Variants in PLXNA4 observed in about 807,000 individuals in gnomAD.
PLXNA4 encodes the protein plexin-A4.
Under a neutral mutation model 191.8 loss-of-function variants are expected in PLXNA4, and 44 were observed. The ratio of observed to expected loss-of-function variants is 0.23; its 90% CI spans 0.18 to 0.29. The LOEUF is 0.29. Ranked by LOEUF, PLXNA4 falls within the 10% of genes least tolerant of loss-of-function variation. The probability of loss-of-function intolerance (pLI) is 1.00; values close to 1 mark genes in which losing one functional copy is unlikely to be tolerated. For missense variants in PLXNA4, 1,800 were observed against 2,488.8 expected (o/e 0.72, Z 5.89); for synonymous variants, 1,082 against 1,009.5 (o/e 1.07, Z -1.36).
intron 3 of PLXNA4, among the ~76,000 whole-genome samples, chr7:132,408,951 G>C (rs898909605): frequency 1.3e-5 from 2 of 149,172 alleles, no homozygotes; most frequent in Admixed American, 6.8e-5. Flanking sequence ...TCTGTGTCTT[G>C]AAATATCATC....
chr7:132,274,966 C>A (rs995597333), intron 4 of PLXNA4, among the ~76,000 whole-genome samples: 3 of 151,924 alleles, frequency 2.0e-5, no homozygotes, highest in African/African-American at 4.8e-5. Context: ...ATGATATTAA[C>A]TTTGATCATT....
chr7:132,346,045 T>TGGG (rs1241626912), intron 3 of PLXNA4, among the ~76,000 whole-genome samples: 3 of 152,220 alleles, frequency 2.0e-5, no homozygotes, highest in Admixed American at 6.5e-5. Context: ...GGGATGAACT[T>TGGG]CAAATGACCT....
chr7:132,643,102 G>A (rs529413057), intron 2 of PLXNA4, among the ~76,000 whole-genome samples: 1 of 152,030 alleles, frequency 6.6e-6, no homozygotes, highest in African/African-American at 2.4e-5. Flanking sequence ...GGAGGAGGAG[G>A]GGGAAGAAGA....
chr7:132,130,442 T>C lies in PLXNA4; in HGVS notation c.*37A>G. The C allele has an allele frequency of 6.2e-7, 1 of 1,613,824 alleles. No individual in the cohort carries two copies. Among genetic ancestry groups the C allele is most frequent in the Non-Finnish European group, 8.5e-7 (1 of 1,179,830 alleles). ...TAATCTAGACTGAGGCACGGCTTGG[T>C]GTGTCCCCCTCCAGGGCGGCCCTGG... On this transcript the variant is annotated 3_prime_UTR_variant, in exon 32 of 32. Transcript: ENST00000321063.
At chr7:132,132,495 CTTT>C (rs138417713) in intron 31 of PLXNA4, among the ~76,000 whole-genome samples, 62 of 31,368 alleles carry the variant, frequency 2.0e-3, no homozygotes, top group South Asian at 3.4e-3. Context: ...CTGCTCTATT[CTTT>C]TCTATTCTAT....
At chr7:132,597,406 A>AT (rs1466466536) in intron 2 of PLXNA4, among the ~76,000 whole-genome samples, 4 of 152,130 alleles carry the variant, frequency 2.6e-5, no homozygotes, top group African/African-American at 9.7e-5. Flanking sequence ...ATTCCAACCT[A>AT]TTTTTTAAAT....
chr7:132,327,989 C>A (rs531317907), intron 3 of PLXNA4, among the ~76,000 whole-genome samples: 1 of 152,284 alleles, frequency 6.6e-6, no homozygotes, highest in African/African-American at 2.4e-5. Context: ...AGAAGGAAAC[C>A]AGCGGCAGGG....
intron 14 of PLXNA4, 24 bp downstream of exon 14, chr7:132,194,038 A>T (rs2116821780): frequency 6.2e-7 from 1 of 1,606,686 alleles, no homozygotes; most frequent in Non-Finnish European, 8.5e-7. Context: ...GCACCCAGCC[A>T]GATCACTGCT....
chr7:132,569,974 T>C (rs1354937886), intron 1 of PLXNA4, among the ~76,000 whole-genome samples: 1 of 152,220 alleles, frequency 6.6e-6, no homozygotes, highest in Non-Finnish European at 1.5e-5. Flanking sequence ...CATTTGACAG[T>C]AGTCATAGCA....
intron 1 of PLXNA4, among the ~76,000 whole-genome samples, chr7:132,562,059 T>C (rs1801170246): frequency 8.7e-6 from 1 of 115,012 alleles, no homozygotes. Flanking sequence ...CTCTCCCTCC[T>C]CCTTCTCCTC....
chr7:132,240,983 A>G, intron 5 of PLXNA4, 83 bp downstream of exon 5: 1 of 897,418 alleles, frequency 1.1e-6, no homozygotes, highest in East Asian at 2.7e-5. Flanking sequence ...ATCAAAGGGA[A>G]GGGCAGTGAT....
intron 14 of PLXNA4, among the ~76,000 whole-genome samples, chr7:132,188,998 G>GGAA (rs1562908835): frequency 1.8e-4 from 9 of 50,990 alleles, no homozygotes; most frequent in South Asian, 3.0e-3. Flanking sequence ...GGAAAGGAGA[G>GGAA]AGAGAGAGAG....
rs375821919 is a variant in PLXNA4 at position 132,185,511 on chromosome 7, C to T, written c.2994-48G>A. The stretch of plus-strand genomic sequence containing the variant: ...ACTGGGCGCCTGGTGTTGAGGAGGA[C>T]AGAGGTCCTGAGTCAAGGCCCTCCC... On this transcript the variant is annotated intron_variant, in intron 15 of 31. Transcript: ENST00000321063. 24 of 1,576,080 alleles carry T rather than the reference C, an allele frequency of 1.5e-5. No individual in the cohort carries two copies. The African/African-American group carries it at 2.6e-4, about 17-fold the overall frequency.
At chr7:132,354,139 A>G (rs1165490245) in intron 3 of PLXNA4, among the ~76,000 whole-genome samples, 1 of 152,124 alleles carries the variant, frequency 6.6e-6, no homozygotes, top group African/African-American at 2.4e-5. Context: ...GAATCATTAC[A>G]GCCAGAAATG....
At chr7:132,535,337 G>A (rs1244076069) in intron 1 of PLXNA4, among the ~76,000 whole-genome samples, 1 of 152,230 alleles carries the variant, frequency 6.6e-6, no homozygotes, top group Non-Finnish European at 1.5e-5. Context: ...ACTTTGTTGA[G>A]GGTTCTCCTG....
chr7:132,536,089 T>C (rs1307074226), intron 1 of PLXNA4, among the ~76,000 whole-genome samples: 1 of 152,252 alleles, frequency 6.6e-6, no homozygotes, highest in African/African-American at 2.4e-5. Context: ...AGTTACTCTC[T>C]GAACCTCGGA....
chr7:132,511,423 G>C, intron 1 of PLXNA4, among the ~76,000 whole-genome samples: 1 of 152,204 alleles, frequency 6.6e-6, no homozygotes, highest in East Asian at 1.9e-4. Context: ...GAGCCCAGAA[G>C]ATAGAGCACT....
intron 4 of PLXNA4, among the ~76,000 whole-genome samples, chr7:132,296,155 T>C (rs189103375): frequency 1.5e-3 from 227 of 152,260 alleles, no homozygotes; most frequent in African/African-American, 5.2e-3. Context: ...TCCACATCTG[T>C]GTGGAGCAGC....
intron 3 of PLXNA4, among the ~76,000 whole-genome samples, chr7:132,349,935 C>T (rs1040162007): frequency 1.3e-5 from 2 of 152,046 alleles, no homozygotes; most frequent in Admixed American, 6.5e-5. Flanking sequence ...AAATATCATT[C>T]CCATTGTACC....
Sources: gnomAD v4.1 joint callset for allele counts (sites outside exome capture counted in the v4.1 genomes callset) on GRCh38, gnomAD v4.1.1 for gene constraint, MANE v1.5 for transcripts, NCBI Gene and HGNC (gene_info 2026-07-23, HGNC 2026-07-21) for gene names.